Variants in CEP250 observed in about 807,000 individuals in gnomAD.
CEP250 encodes centrosome-associated protein CEP250.
Under a neutral mutation model 315.7 loss-of-function variants are expected in CEP250, and 242 were observed. That is an observed-to-expected ratio of 0.77 (90% confidence interval 0.69 to 0.85). The LOEUF (loss-of-function observed/expected upper bound fraction) is 0.85, where lower values mean the gene tolerates loss of function less well. CEP250 is among the 40% of genes least tolerant of loss of function. The pLI is 0.00. For synonymous variants in CEP250, 1,088 were observed against 1,175.0 expected, an observed-to-expected ratio of 0.93 and a Z score of 1.51; for missense variants, 2,515 against 2,886.4, an observed-to-expected ratio of 0.87 and a Z score of 2.95.
intron 20 of CEP250, among the ~76,000 whole-genome samples, chr20:35,485,385 A>T (rs1359080052): frequency 2.6e-5 from 4 of 151,856 alleles, no homozygotes; most frequent in African/African-American, 9.7e-5. Flanking sequence ...AAAAAAAAAA[A>T]AAAAAGTAAA....
chr20:35,500,983 T>C (rs1198764151), intron 28 of CEP250, among the ~76,000 whole-genome samples: 1 of 152,212 alleles, frequency 6.6e-6, no homozygotes, highest in African/African-American at 2.4e-5. Flanking sequence ...TCCATGTTAC[T>C]TATTTTTATC....
rs373738775 is a variant in CEP250 at position 35,502,464 on chromosome 20, A to G, written c.4095A>G (p.Val1365=). Residue 1365 remains valine (V), a synonymous_variant, in exon 30 of 35, where the codon GTA becomes GTG. Coordinates refer to ENST00000397527, the MANE Select transcript of CEP250 (RefSeq NM_007186.6). ...TGGAACACCTGCAAGCAGCTGTCGT[A>G]GAAGCCAGGGCTCAGGCAAGTGCTG... ...AQVEHLQAAV[V]EARAQASAAG... 2.4e-5 allele frequency: 38 copies of G among 1,614,182 alleles called. No individual in the cohort carries two copies. Among genetic ancestry groups the G allele is most frequent in the African/African-American group, 1.9e-4 (14 of 75,068 alleles).
In CEP250 at chr20:35,503,553, G is replaced by A; in HGVS notation, c.5184G>A (p.Lys1728=). 1 of 1,614,144 alleles carries A rather than the reference G, an allele frequency of 6.2e-7. No homozygotes were observed. Among genetic ancestry groups the A allele is most frequent in the South Asian group, 1.1e-5 (1 of 91,086 alleles). ...AGCGCGGGAGCCTAGAGCACATGAA[G>A]CTGATCCTGCGTGATAAGGAGAAGG... ...KAQRGSLEHM[K]LILRDKEKEV... is the part of the protein sequence containing the mutation. Residue 1728 remains lysine (K), a synonymous_variant, in exon 30 of 35, where the codon AAG becomes AAA. Coordinates refer to ENST00000397527, the MANE Select transcript of CEP250 (RefSeq NM_007186.6). This position sits in a 1 kb window ranked among gnomAD's most constrained non-coding sequence, Gnocchi z 4.2.
intron 22 of CEP250, among the ~76,000 whole-genome samples, chr20:35,492,924 C>T (rs1456258533): frequency 3.3e-5 from 5 of 152,066 alleles, no homozygotes; most frequent in African/African-American, 4.8e-5. Context: ...GAAAGGGTTT[C>T]ACCATGTTGG....
At chr20:35,458,470 T>A (rs886638564) in intron 2 of CEP250, 96 bp downstream of exon 2, 25 of 152,204 alleles carry the variant, frequency 1.6e-4, no homozygotes, top group African/African-American at 5.8e-4. Flanking sequence ...ACAAAAGAAA[T>A]GAATCTTTCC....
chr20:35,497,763 TC>T lies in CEP250; in HGVS notation c.3352del (p.Leu1118TrpfsTer46). ...AGGTGAAGGAAAAGGAGGCTGACTT[TC>T]TGGCCCAGGAAGCACAGCTGCTGGA... ...QEVKEKEADF[L>X]AQEAQLLEEL... On this transcript the variant is annotated frameshift_variant, in exon 26 of 35. Coordinates refer to ENST00000397527, the MANE Select transcript of CEP250 (RefSeq NM_007186.6). LOFTEE classifies it high-confidence loss of function. The T allele has an allele frequency of 6.4e-7, 1 of 1,560,312 alleles. No homozygotes were observed.
Position 35,465,740 on chromosome 20 carries a change from C to T in CEP250, c.244-3C>T. ...AAGTAAGGCTTGTCTCTGTCTGGCG[C>T]AGGGACCAATCCCCCAGAGGTGGGA... On this transcript the variant is annotated splice_polypyrimidine_tract_variant and splice_region_variant and intron_variant, in intron 5 of 34. Coordinates refer to ENST00000397527, the MANE Select transcript of CEP250 (RefSeq NM_007186.6). 6.3e-7 allele frequency: 1 copy of T among 1,593,642 alleles called. No individual in the cohort carries two copies. The highest frequency in any genetic ancestry group is 8.5e-7 in the Non-Finnish European group (1 of 1,170,706).
chr20:35,502,221 G>A lies in CEP250; in HGVS notation c.4021-169G>A, dbSNP rs943880577. On this transcript the variant is annotated intron_variant, in intron 29 of 34. Coordinates refer to ENST00000397527, the MANE Select transcript of CEP250 (RefSeq NM_007186.6). ...TGGGCATAGCAGAGTCCTGGAAGGTGGTAGGGATGCCCTTTTACAGTATCA... is the reference window on the plus strand; with the variant it reads ...TGGGCATAGCAGAGTCCTGGAAGGTAGTAGGGATGCCCTTTTACAGTATCA... Among the ~76,000 whole-genome samples the A allele has an allele frequency of 3.9e-5, 6 of 152,348 alleles. No homozygotes were observed. In the East Asian group the frequency reaches 1.2e-3, roughly 29 times the overall value.
Position 35,511,628 on chromosome 20 carries a change from A to G in CEP250, c.*2A>G. ...ACTACCCAAGCCGCCTCCAGGTAGC[A>G]GCCACAGCCAGGAGCACACAGACAG... On this transcript the variant is annotated 3_prime_UTR_variant, in exon 35 of 35. Coordinates refer to ENST00000397527, the MANE Select transcript of CEP250 (RefSeq NM_007186.6). The G allele has an allele frequency of 6.2e-7, 1 of 1,606,818 alleles. No individual in the cohort carries two copies. Among genetic ancestry groups the G allele is most frequent in the Non-Finnish European group, 8.5e-7 (1 of 1,175,764 alleles).
Position 35,460,078 on chromosome 20 carries a change from A to C in CEP250, c.-131A>C, listed in dbSNP as rs1025607799. On this transcript the variant is annotated 5_prime_UTR_variant, in exon 3 of 35. Coordinates refer to ENST00000397527, the MANE Select transcript of CEP250 (RefSeq NM_007186.6). ...AGAGGGATTGAGCTTCATTGAACTC[A>C]ACAGAGCCAACATTTCATAGCACCA... The C allele has an allele frequency of 1.3e-5, 2 of 152,176 alleles. No homozygotes were observed. The highest frequency in any genetic ancestry group is 2.4e-5 in the African/African-American group (1 of 41,430). 9.4% of individuals were successfully genotyped at this position (152,176 alleles called of 1,614,324 possible).
chr20:35,455,276 G>T (rs2062588816), upstream of CEP250: 1 of 152,286 alleles, frequency 6.6e-6, no homozygotes, highest in African/African-American at 2.4e-5. Context: ...AGGTGCTCGG[G>T]TTAACCGTCC....
Position 35,479,306 on chromosome 20 carries a change from C to T in CEP250, c.2170C>T (p.Leu724Phe). Residue 724 changes from leucine to phenylalanine, a missense_variant, in exon 18 of 35, where the codon CTT (leucine) becomes TTT (phenylalanine). Leu to Phe is a conservative substitution (Grantham distance 22). Coordinates refer to ENST00000397527, the MANE Select transcript of CEP250 (RefSeq NM_007186.6). ...GGAGGCAAAGCGACAGGAAGAAGTG[C>T]TTGCCAGGGCAGTCCAGGAGAAGGA... Reference protein sequence around the residue: ...HQEAKRQEEVLARAVQEKEAL... With the variant: ...HQEAKRQEEVFARAVQEKEAL... 1.9e-6 allele frequency: 3 copies of T among 1,614,246 alleles called. No homozygotes were observed. The highest frequency in any genetic ancestry group is 2.5e-6 in the Non-Finnish European group (3 of 1,180,036).
intron 28 of CEP250, among the ~76,000 whole-genome samples, chr20:35,500,452 G>A (rs2063971295): frequency 6.6e-6 from 1 of 152,146 alleles, no homozygotes; most frequent in African/African-American, 2.4e-5. Context: ...AACCAGCGGA[G>A]CCACCGGGGT....
chr20:35,497,684 T>C, intron 25 of CEP250, 35 bp from the exon 26 acceptor site: 1 of 1,460,496 alleles, frequency 6.8e-7, no homozygotes, highest in Non-Finnish European at 9.3e-7. Flanking sequence ...GGTATCCGCT[T>C]CCTGCTTATA....
chr20:35,498,469 CT>C (rs1346107978), intron 26 of CEP250, 125 bp from the exon 27 acceptor site: 1 of 1,163,358 alleles, frequency 8.6e-7, no homozygotes, highest in African/African-American at 1.6e-5. Flanking sequence ...GATGAGTGAA[CT>C]GCTGAGAAAG....
chr20:35,467,179 G>GGGGGGGGGGGGGGGGCCCCCCCC, intron 8 of CEP250, 107 bp downstream of exon 8: 1 of 534,834 alleles, frequency 1.9e-6, no homozygotes, highest in Non-Finnish European at 3.5e-6. Flanking sequence ...GGTGGGTGGG[G>GGGGGGGGGGGGGGGGCCCCCCCC]GAGTTGGTAG....
intron 28 of CEP250, 84 bp from the exon 29 acceptor site, chr20:35,501,761 C>T (rs145177990): frequency 2.8e-6 from 4 of 1,425,150 alleles, no homozygotes; most frequent in Non-Finnish European, 3.8e-6. Flanking sequence ...TGTTCCCCAT[C>T]CTCCATCTGC....
chr20:35,474,776 A>G, intron 14 of CEP250: 1 of 471,060 alleles, frequency 2.1e-6, no homozygotes, highest in Non-Finnish European at 4.4e-6. Flanking sequence ...TAGAATGATG[A>G]TAATATTTAC....
intron 23 of CEP250, among the ~76,000 whole-genome samples, chr20:35,494,022 G>A (rs1174490325): frequency 1.3e-5 from 2 of 151,778 alleles, no homozygotes; most frequent in Non-Finnish European, 2.9e-5. Flanking sequence ...TCACTATGTC[G>A]CCCGGGCTGA....
Sources: allele counts gnomAD v4.1 joint callset (sites outside exome capture counted in the v4.1 genomes callset), GRCh38; gene constraint gnomAD v4.1.1; non-coding constraint Gnocchi (gnomAD v3.1); transcripts MANE v1.5; gene names NCBI Gene and HGNC (gene_info 2026-07-23, HGNC 2026-07-21).